The following TNFRSF10A variants were observed in gnomAD, a reference collection of about 807,000 sequenced individuals.
TNFRSF10A encodes the protein tumor necrosis factor receptor superfamily member 10A.
In TNFRSF10A, 44 loss-of-function variants were observed where a neutral mutation model predicts 42.8. The observed-to-expected ratio is 1.03, with a 90% CI of 0.81 to 1.32. The LOEUF (loss-of-function observed/expected upper bound fraction) is 1.32, where lower values mean the gene tolerates loss of function less well. TNFRSF10A is among the 40% of genes most tolerant of loss of function. TNFRSF10A has a pLI of 0.00. For synonymous variants in TNFRSF10A, 259 were observed against 234.2 expected (o/e 1.11, Z -0.97); for missense variants, 680 against 602.0 (o/e 1.13, Z -1.36).
At chr8:23,195,779 G>A (rs548007154) in intron 9 of TNFRSF10A, among the ~76,000 whole-genome samples, 69 of 152,218 alleles carry the variant, frequency 4.5e-4, no homozygotes, top group African/African-American at 1.6e-3. Context: ...CAATCTTTTA[G>A]TATTAAATTA....
intron 2 of TNFRSF10A, among the ~76,000 whole-genome samples, chr8:23,203,781 C>CTTTT (rs373965763): frequency 1.5e-5 from 2 of 136,538 alleles, no homozygotes; most frequent in African/African-American, 2.7e-5. Context: ...ATAATAAAGG[C>CTTTT]TTTTTTTTTT....
rs1218223272 is a variant in TNFRSF10A at position 23,200,572 on chromosome 8, C to T, written c.732G>A (p.Leu244=). The T allele has an allele frequency of 3.1e-6, 5 of 1,614,216 alleles. No homozygotes were observed. The highest frequency in any genetic ancestry group is 1.3e-5 in the African/African-American group (1 of 75,054). Residue 244 remains leucine (L), a synonymous_variant, in exon 6 of 10, where the codon TTG becomes TTA. Coordinates refer to ENST00000221132, the MANE Select transcript of TNFRSF10A (RefSeq NM_003844.4). ...SGNGHNIWVI[L]VVTLVVPLLL... Reference sequence around the variant, plus strand: ...GCAACGGAACAACCAAAGTCACAACCAAAATCACCCATATATTATGTCCAT... The same window carrying T: ...GCAACGGAACAACCAAAGTCACAACTAAAATCACCCATATATTATGTCCAT...
chr8:23,192,959 A>AC (rs1800776359), intron 9 of TNFRSF10A, among the ~76,000 whole-genome samples: 2 of 152,262 alleles, frequency 1.3e-5, no homozygotes, highest in East Asian at 3.9e-4. Context: ...GGGATGTGGG[A>AC]CCCCTCATTC....
intron 7 of TNFRSF10A, among the ~76,000 whole-genome samples, 182 bp downstream of exon 7, chr8:23,199,704 C>T (rs1301879148): frequency 6.6e-6 from 1 of 152,160 alleles, no homozygotes; most frequent in Admixed American, 6.5e-5. Flanking sequence ...CAGAATGGCC[C>T]ACCAGCCTGT....
At chr8:23,217,143 G>A (rs547141325) in intron 1 of TNFRSF10A, among the ~76,000 whole-genome samples, 97 of 152,232 alleles carry the variant, frequency 6.4e-4, no homozygotes, top group African/African-American at 2.1e-3. Flanking sequence ...CCTTTTGAGC[G>A]TTGCTTCATT....
intron 2 of TNFRSF10A, chr8:23,207,265 A>C (rs1175138742): frequency 1.7e-6 from 1 of 597,436 alleles, no homozygotes; most frequent in East Asian, 4.1e-5. Flanking sequence ...TATGTGGCCA[A>C]GGTTCAACAC....
intron 1 of TNFRSF10A, among the ~76,000 whole-genome samples, chr8:23,222,812 C>A (rs1011450187): frequency 8.5e-5 from 13 of 152,094 alleles, no homozygotes; most frequent in African/African-American, 2.9e-4. Context: ...ATCTTAGTTC[C>A]CCATGACACC....
At chr8:23,216,439 C>T (rs762940260) in intron 1 of TNFRSF10A, among the ~76,000 whole-genome samples, 2 of 151,952 alleles carry the variant, frequency 1.3e-5, no homozygotes, top group African/African-American at 2.4e-5. Flanking sequence ...AGATTTTCAT[C>T]ATCATCCCCA....
chr8:23,200,629 C>G (rs1800896247), intron 5 of TNFRSF10A, 29 bp from the exon 6 acceptor site: 2 of 1,614,020 alleles, frequency 1.2e-6, no homozygotes, highest in Non-Finnish European at 1.7e-6. Flanking sequence ...AGACAGGAGT[C>G]TCGGGCTGCT....
chr8:23,213,393 A>ATCTC (rs1162450721), intron 1 of TNFRSF10A, among the ~76,000 whole-genome samples: 1 of 123,210 alleles, frequency 8.1e-6, no homozygotes, highest in Non-Finnish European at 1.7e-5. Flanking sequence ...TATTTCTGTT[A>ATCTC]TCTCTGATCT....
At chr8:23,202,499 C>A in intron 3 of TNFRSF10A, 149 bp downstream of exon 3, 1 of 620,828 alleles carries the variant, frequency 1.6e-6, no homozygotes. Context: ...CTTTCTGTTT[C>A]ATTTTATGGA....
chr8:23,219,825 C>T (rs777885539), intron 1 of TNFRSF10A, among the ~76,000 whole-genome samples: 20 of 152,230 alleles, frequency 1.3e-4, no homozygotes, highest in African/African-American at 2.7e-4. Flanking sequence ...ACCTAAGCCA[C>T]ACAAATATAT....
At chr8:23,197,240 C>G (rs201463246) in intron 8 of TNFRSF10A, 36 bp from the exon 9 acceptor site, 3 of 1,613,580 alleles carry the variant, frequency 1.9e-6, no homozygotes, top group African/African-American at 2.7e-5. Context: ...TGGTCTGAGT[C>G]AGGGGTCCTG....
In TNFRSF10A at chr8:23,191,850, G is replaced by A. The variant is rs151022837; in HGVS notation, c.1251C>T (p.Asn417=). The change falls in exon 10 of 10, where the codon AAC becomes AAT. Residue 417 remains asparagine, a synonymous_variant. Transcript: ENST00000221132. The part of the protein sequence containing the change: ...ALYAMLMKWV[N]KTGRNASIHT... ...GGATCGAGGCGTTCCGTCCAGTTTT[G>A]TTGACCCATTTCATCAGCATTGCAT... is the stretch of plus-strand genomic sequence containing the variant. The A allele has an allele frequency of 2.8e-4, 433 of 1,543,158 alleles. 1 individual carries two copies. The highest frequency in any genetic ancestry group is 3.6e-4 in the Non-Finnish European group (409 of 1,143,310).
chr8:23,209,561 T>C (rs1009460648), intron 2 of TNFRSF10A, among the ~76,000 whole-genome samples: 7 of 152,232 alleles, frequency 4.6e-5, no homozygotes, highest in South Asian at 2.1e-4. Flanking sequence ...CAGTGTGACC[T>C]GGATGTAAGA....
chr8:23,220,060 G>A (rs1305291641), intron 1 of TNFRSF10A, among the ~76,000 whole-genome samples: 1 of 152,140 alleles, frequency 6.6e-6, no homozygotes, highest in African/African-American at 2.4e-5. Flanking sequence ...ACAGGCGAGT[G>A]TCTGAGGTGC....
chr8:23,191,648 A>T lies in TNFRSF10A; in HGVS notation c.*46T>A. The T allele has an allele frequency of 6.5e-7, 1 of 1,531,218 alleles. No homozygotes were observed. Among genetic ancestry groups the T allele is most frequent in the South Asian group, 1.3e-5 (1 of 77,362 alleles). 94.9% of individuals were successfully genotyped at this position (1,531,218 alleles called of 1,614,324 possible). ...TAAAAAAAAAAAAAACCTAATATGT[A>T]TTAACTCCTAACACCTAAGAGGAAA... On this transcript the variant is annotated 3_prime_UTR_variant, in exon 10 of 10. Coordinates refer to ENST00000221132, the MANE Select transcript of TNFRSF10A (RefSeq NM_003844.4).
chr8:23,224,935 C>A lies in TNFRSF10A; in HGVS notation c.127G>T (p.Gly43Trp). The A allele has an allele frequency of 6.3e-7, 1 of 1,599,794 alleles. No homozygotes were observed. Among genetic ancestry groups the A allele is most frequent in the Non-Finnish European group, 8.5e-7 (1 of 1,173,426 alleles). The change falls in exon 1 of 10, where the codon GGG (glycine) becomes TGG (tryptophan). Residue 43 changes from glycine to tryptophan, a missense_variant. By Grantham distance (184) the Gly-to-Trp change is radical. Coordinates refer to ENST00000221132, the MANE Select transcript of TNFRSF10A (RefSeq NM_003844.4). Reference sequence around the variant, plus strand: ...CCCCCGCCTCGTGGTTCAATCCTCCCCGCGGAAGAGCCCCACACTTTGCTG... The same window carrying A: ...CCCCCGCCTCGTGGTTCAATCCTCCACGCGGAAGAGCCCCACACTTTGCTG... The part of the protein sequence containing the change: ...TPSKVWGSSA[G>W]RIEPRGGGRG...
At chr8:23,217,724 G>C (rs977670638) in intron 1 of TNFRSF10A, among the ~76,000 whole-genome samples, 3 of 152,118 alleles carry the variant, frequency 2.0e-5, no homozygotes, top group Admixed American at 2.0e-4. Flanking sequence ...TAGAACCCAT[G>C]TTACTCATTC....
Sources: gnomAD v4.1 joint callset for allele counts (sites outside exome capture counted in the v4.1 genomes callset) on GRCh38, gnomAD v4.1.1 for gene constraint, MANE v1.5 for transcripts, NCBI Gene and HGNC (gene_info 2026-07-23, HGNC 2026-07-21) for gene names.